Variants in DCC observed in about 807,000 individuals in gnomAD.
The protein encoded by DCC is netrin receptor DCC.
In DCC, 58 loss-of-function variants were observed where a neutral mutation model predicts 172.5. The ratio of observed to expected loss-of-function variants is 0.34; its 90% CI spans 0.27 to 0.42. DCC has a LOEUF of 0.42. Ranked by LOEUF, DCC falls within the 10% of genes least tolerant of loss-of-function variation. DCC has a pLI of 1.00. For synonymous variants in DCC, 709 were observed against 644.5 expected, an observed-to-expected ratio of 1.10 and a Z score of -1.52; for missense variants, 1,740 against 1,791.0, an observed-to-expected ratio of 0.97 and a Z score of 0.51.
chr18:52,485,860 AAT>A (rs1210698073), intron 1 of DCC, among the ~76,000 whole-genome samples: 1 of 152,150 alleles, frequency 6.6e-6, no homozygotes. Context: ...TCAAAAATAA[AAT>A]AATTTTTATT....
chr18:53,311,388 G>T (rs2057266983), intron 13 of DCC, among the ~76,000 whole-genome samples: 1 of 152,158 alleles, frequency 6.6e-6, no homozygotes, highest in Non-Finnish European at 1.5e-5. Flanking sequence ...CTCCCAAAGT[G>T]CTGAGATTAC....
intron 27 of DCC, among the ~76,000 whole-genome samples, chr18:53,502,877 G>A (rs60518592): frequency 0.066 from 10,012 of 151,890 alleles, 980 homozygotes; most frequent in African/African-American, 0.21. Context: ...AGGTTCTGGG[G>A]TACATGTGCA....
At chr18:52,952,678 A>G (rs1161010047) in intron 5 of DCC, among the ~76,000 whole-genome samples, 1 of 152,144 alleles carries the variant, frequency 6.6e-6, no homozygotes, top group Non-Finnish European at 1.5e-5. Flanking sequence ...TATGTTGACA[A>G]TCATTTAAAT....
chr18:52,857,840 G>C (rs35614945), intron 2 of DCC, among the ~76,000 whole-genome samples: 1 of 152,164 alleles, frequency 6.6e-6, no homozygotes, highest in African/African-American at 2.4e-5. Flanking sequence ...GCTCTAATGA[G>C]CCAAATCTGT....
intron 2 of DCC, among the ~76,000 whole-genome samples, chr18:52,791,417 C>A (rs1230764594): frequency 6.6e-6 from 1 of 151,810 alleles, no homozygotes; most frequent in East Asian, 1.9e-4. Flanking sequence ...TTTGGTGTGA[C>A]CCAGAGTGGA....
chr18:52,649,715 T>C (rs929366881), intron 1 of DCC, among the ~76,000 whole-genome samples: 3 of 152,182 alleles, frequency 2.0e-5, no homozygotes, highest in Non-Finnish European at 2.9e-5. Context: ...ATTCTATCCA[T>C]GTTGCCACAA....
In DCC at chr18:52,610,169, AAAAAAAAAAATATATATATATAT is replaced by A. The variant is rs1568254113; in HGVS notation, c.92-141883_92-141861del. Among the ~76,000 whole-genome samples the A allele has an allele frequency of 4.0e-4, 11 of 27,242 alleles. 1 individual carries two copies. The highest frequency in any genetic ancestry group is 6.6e-4 in the African/African-American group (4 of 6,046). The allele number at this position is 27,242 out of a possible 152,430, so 17.9% of individuals were successfully genotyped here. ...TCTCTCATAAAAAAAAAAAAAAAAA[AAAAAAAAAAATATATATATATAT>A]ATATATATATATATATATATATATA... On this transcript the variant is annotated intron_variant, in intron 1 of 28. Transcript: ENST00000442544.
At chr18:53,085,519 CCGT>C in intron 7 of DCC, among the ~76,000 whole-genome samples, 1 of 152,060 alleles carries the variant, frequency 6.6e-6, no homozygotes, top group African/African-American at 2.4e-5. Flanking sequence ...CACCTAGTCA[CCGT>C]CTTAAATTTT....
intron 21 of DCC, among the ~76,000 whole-genome samples, chr18:53,426,435 A>AT (rs372844582): frequency 0.43 from 61,037 of 143,198 alleles, 14,728 homozygotes; most frequent in Non-Finnish European, 0.55. Flanking sequence ...ATATATTTAT[A>AT]TTATTTATAT....
At chr18:53,512,442 C>G (rs1458980631) in intron 27 of DCC, among the ~76,000 whole-genome samples, 1 of 151,268 alleles carries the variant, frequency 6.6e-6, no homozygotes, top group African/African-American at 2.4e-5. Context: ...TCACCAGCAA[C>G]GGAACAAAGC....
Position 53,197,015 on chromosome 18 carries a change from A to C in DCC, c.1574-8201A>C, listed in dbSNP as rs552060326. Among the ~76,000 whole-genome samples the C allele has an allele frequency of 5.9e-5, 9 of 152,236 alleles. No individual in the cohort carries two copies. The East Asian group carries it at 1.2e-3, about 20-fold the overall frequency. On this transcript the variant is annotated intron_variant, in intron 9 of 28. Coordinates refer to ENST00000442544, the MANE Select transcript of DCC (RefSeq NM_005215.4). ...ATGTTGCATTCCCCATACAGAATAG[A>C]AACAGATTTCATAGAAATATCATTA...
chr18:52,850,501 C>G (rs1276747296), intron 2 of DCC, among the ~76,000 whole-genome samples: 1 of 152,042 alleles, frequency 6.6e-6, no homozygotes, highest in East Asian at 1.9e-4. Context: ...TAAAGTTCTG[C>G]TTTATTATGT....
chr18:53,063,523 T>A, intron 6 of DCC, 64 bp downstream of exon 6: 2 of 1,352,848 alleles, frequency 1.5e-6, no homozygotes, highest in Non-Finnish European at 2.1e-6. Context: ...TTTTCACTTG[T>A]TTTTATTTCT....
intron 2 of DCC, among the ~76,000 whole-genome samples, chr18:52,856,819 G>T (rs892087309): frequency 6.6e-6 from 1 of 152,016 alleles, no homozygotes; most frequent in Non-Finnish European, 1.5e-5. Context: ...CGACTCCTTT[G>T]CATGACTCTA....
At chr18:53,398,441 C>T (rs1909092162) in intron 18 of DCC, among the ~76,000 whole-genome samples, 1 of 152,088 alleles carries the variant, frequency 6.6e-6, no homozygotes. Context: ...CTCTTCTTCT[C>T]AGAATTCCAC....
intron 2 of DCC, among the ~76,000 whole-genome samples, chr18:52,796,981 C>T (rs1341963416): frequency 6.6e-6 from 1 of 151,328 alleles, no homozygotes; most frequent in Non-Finnish European, 1.5e-5. Context: ...TGGCATCCTA[C>T]TGGTCACATA....
intron 1 of DCC, among the ~76,000 whole-genome samples, chr18:52,404,830 A>G (rs1986579463): frequency 8.4e-6 from 1 of 119,238 alleles, no homozygotes; most frequent in African/African-American, 3.3e-5. Flanking sequence ...ACCCGACAAC[A>G]GTCCCCAGAG....
At chr18:52,584,763 C>T (rs2033633181) in intron 1 of DCC, among the ~76,000 whole-genome samples, 2 of 151,156 alleles carry the variant, frequency 1.3e-5, no homozygotes, top group South Asian at 2.1e-4. Context: ...TGGTCTCGAG[C>T]TCCTGGCTTC....
intron 12 of DCC, among the ~76,000 whole-genome samples, chr18:53,259,820 C>G (rs530361154): frequency 6.6e-6 from 1 of 152,138 alleles, no homozygotes; most frequent in Admixed American, 6.5e-5. Flanking sequence ...CAACTTGGTT[C>G]CATTCTCCCT....
Sources: allele counts gnomAD v4.1 joint callset (sites outside exome capture counted in the v4.1 genomes callset), GRCh38; gene constraint gnomAD v4.1.1; transcripts MANE v1.5; gene names NCBI Gene and HGNC (gene_info 2026-07-23, HGNC 2026-07-21).